KIAA1958: variants seen among roughly 807,000 people sequenced by gnomAD.
The protein encoded by KIAA1958 is KIAA1958.
KIAA1958 carries 14 observed loss-of-function variants against 47.2 expected under a neutral mutation model. The ratio of observed to expected loss-of-function variants is 0.30; its 90% CI spans 0.20 to 0.46. KIAA1958 has a LOEUF of 0.46. Ranked by LOEUF, KIAA1958 falls within the 20% of genes least tolerant of loss-of-function variation. KIAA1958 has a pLI of 1.00. For missense variants in KIAA1958, 803 were observed against 909.2 expected (o/e 0.88, Z 1.50); for synonymous variants, 354 against 353.3 (o/e 1.00, Z -0.02).
At chr9:112,525,739 T>C (rs1186168437) in intron 1 of KIAA1958, among the ~76,000 whole-genome samples, 1 of 151,918 alleles carries the variant, frequency 6.6e-6, no homozygotes, top group Non-Finnish European at 1.5e-5. Context: ...AAAAGCCACA[T>C]TGTGTCCTTG....
intron 1 of KIAA1958, among the ~76,000 whole-genome samples, chr9:112,505,549 T>C (rs1327104548): frequency 6.6e-6 from 1 of 152,224 alleles, no homozygotes; most frequent in Non-Finnish European, 1.5e-5. Flanking sequence ...GTGTGAAGTC[T>C]ATATGTCTCT....
chr9:112,660,205 C>A lies in KIAA1958; in HGVS notation c.*136C>A. ...GCGGCTCTCCCCTGGTGTGGCCTGC[C>A]CTCCCTTTGACTTGGGGTTTGCTTT... On this transcript the variant is annotated 3_prime_UTR_variant, in exon 4 of 4. Transcript: ENST00000337530. 1 of 673,762 alleles carries A rather than the reference C, an allele frequency of 1.5e-6. No homozygotes were observed. Among genetic ancestry groups the A allele is most frequent in the Non-Finnish European group, 2.5e-6 (1 of 396,276 alleles). 41.7% of individuals were successfully genotyped at this position (673,762 alleles called of 1,614,324 possible).
chr9:112,539,381 A>G (rs1834903609), intron 1 of KIAA1958, among the ~76,000 whole-genome samples: 1 of 152,258 alleles, frequency 6.6e-6, no homozygotes, highest in Non-Finnish European at 1.5e-5. Context: ...ACATGCTACC[A>G]TATGGGTTAA....
intron 1 of KIAA1958, among the ~76,000 whole-genome samples, chr9:112,537,909 T>G (rs1031483041): frequency 6.6e-6 from 1 of 152,146 alleles, no homozygotes; most frequent in Non-Finnish European, 1.5e-5. Flanking sequence ...AGAATGGCAG[T>G]TTGACTAGCC....
chr9:112,591,492 AT>A (rs1223245697), intron 2 of KIAA1958, among the ~76,000 whole-genome samples: 1 of 152,174 alleles, frequency 6.6e-6, no homozygotes, highest in Non-Finnish European at 1.5e-5. Flanking sequence ...CCATAACTTC[AT>A]TCCCTCTTAT....
intron 1 of KIAA1958, among the ~76,000 whole-genome samples, chr9:112,528,720 G>C (rs1258139599): frequency 7.7e-6 from 1 of 130,264 alleles, no homozygotes; most frequent in Non-Finnish European, 1.6e-5. Context: ...GGGTTTCACT[G>C]TGTTGGCCAG....
intron 1 of KIAA1958, among the ~76,000 whole-genome samples, chr9:112,542,371 G>A (rs1834958723): frequency 6.6e-6 from 1 of 151,056 alleles, no homozygotes; most frequent in African/African-American, 2.4e-5. Flanking sequence ...TTCCCAATAG[G>A]GTAAAGAAGA....
chr9:112,540,876 A>G (rs986332926), intron 1 of KIAA1958, among the ~76,000 whole-genome samples: 1 of 151,908 alleles, frequency 6.6e-6, no homozygotes, highest in Admixed American at 6.6e-5. Context: ...CCACACCTGG[A>G]TAATTTTTTT....
Position 112,486,963 on chromosome 9 carries a change from TC to T in KIAA1958, c.-176del. On this transcript the variant is annotated 5_prime_UTR_variant, in exon 1 of 4. Transcript: ENST00000337530. ...TCGGTCCGCCGCCCGCCGGGCGCCTTCCCCGCTCCACTTACCTTTGGTGCCC... is the reference window on the plus strand; with the variant it reads ...TCGGTCCGCCGCCCGCCGGGCGCCTTCCCGCTCCACTTACCTTTGGTGCCC... 5.9e-6 allele frequency: 1 copy of T among 169,390 alleles called. No homozygotes were observed. Among genetic ancestry groups the T allele is most frequent in the Non-Finnish European group, 1.2e-5 (1 of 81,308 alleles). 10.5% of individuals were successfully genotyped at this position (169,390 alleles called of 1,614,324 possible).
At chr9:112,608,473 G>A (rs1209490957) in intron 2 of KIAA1958, among the ~76,000 whole-genome samples, 4 of 152,170 alleles carry the variant, frequency 2.6e-5, no homozygotes, top group Non-Finnish European at 5.9e-5. Context: ...TTGTAGTGGA[G>A]TACCAAAATA....
intron 1 of KIAA1958, among the ~76,000 whole-genome samples, chr9:112,487,638 G>A (rs886538608): frequency 3.3e-5 from 5 of 152,200 alleles, no homozygotes; most frequent in Non-Finnish European, 5.9e-5. Flanking sequence ...TGGGGCGTGT[G>A]TGAAGGAACG....
intron 2 of KIAA1958, among the ~76,000 whole-genome samples, chr9:112,644,742 C>T (rs1028231538): frequency 1.3e-5 from 2 of 152,134 alleles, no homozygotes; most frequent in Non-Finnish European, 2.9e-5. Context: ...TTTTCTCTCA[C>T]TTGACCTTCC....
At chr9:112,587,995 A>T (rs1835855644) in intron 2 of KIAA1958, among the ~76,000 whole-genome samples, 1 of 152,224 alleles carries the variant, frequency 6.6e-6, no homozygotes, top group Non-Finnish European at 1.5e-5. Flanking sequence ...CAGTAGAAGA[A>T]GTTAAAATAA....
At chr9:112,534,094 CTT>C (rs1289279260) in intron 1 of KIAA1958, among the ~76,000 whole-genome samples, 1 of 152,212 alleles carries the variant, frequency 6.6e-6, no homozygotes. Flanking sequence ...TACTTAACCT[CTT>C]TGTGCCTTCA....
At chr9:112,555,876 AC>A (rs1835230379) in intron 1 of KIAA1958, among the ~76,000 whole-genome samples, 1 of 151,672 alleles carries the variant, frequency 6.6e-6, no homozygotes, top group Non-Finnish European at 1.5e-5. Flanking sequence ...GGAGTTTAAG[AC>A]CAGCCTGGCC....
In KIAA1958 at chr9:112,487,053, G is replaced by A; in HGVS notation, c.-90G>A. ...CGGCCCGTCCCGTCCAGCCCGGGCT[G>A]CCCGGCTCTCGCAGGCCCCCCCGCG... On this transcript the variant is annotated 5_prime_UTR_variant, in exon 1 of 4. Coordinates refer to ENST00000337530, the MANE Select transcript of KIAA1958 (RefSeq NM_133465.4). 4.5e-6 allele frequency: 1 copy of A among 222,542 alleles called. No homozygotes were observed. Among genetic ancestry groups the A allele is most frequent in the Non-Finnish European group, 9.1e-6 (1 of 109,836 alleles). The allele number at this position is 222,542 out of a possible 1,614,324, so 13.8% of individuals were successfully genotyped here.
At position 112,661,879 on chromosome 9, in the gene KIAA1958, A is replaced by G. The variant is rs1258953386; in HGVS notation, c.*1810A>G. The G allele has an allele frequency of 1.3e-5, 2 of 152,270 alleles. No individual in the cohort carries two copies. Among genetic ancestry groups the G allele is most frequent in the Non-Finnish European group, 2.9e-5 (2 of 68,048 alleles). The allele number at this position is 152,270 out of a possible 1,614,324, so 9.4% of individuals were successfully genotyped here. ...AAAAGAAATACACAAAACATTAGGT[A>G]CAATTTCCTTTAGTTTGCTAAACAC... On this transcript the variant is annotated 3_prime_UTR_variant, in exon 4 of 4. Coordinates refer to ENST00000337530, the MANE Select transcript of KIAA1958 (RefSeq NM_133465.4).
chr9:112,589,110 CT>C (rs1304569759), intron 2 of KIAA1958, among the ~76,000 whole-genome samples: 1 of 152,188 alleles, frequency 6.6e-6, no homozygotes, highest in Admixed American at 6.5e-5. Flanking sequence ...ATCCGCAATG[CT>C]TGTTCCTTTT....
chr9:112,535,949 T>C (rs1834848582), intron 1 of KIAA1958, among the ~76,000 whole-genome samples: 1 of 152,212 alleles, frequency 6.6e-6, no homozygotes. Context: ...TCTTCATGGC[T>C]CTGGTGGATT....
Sources: gnomAD v4.1 joint callset for allele counts (sites outside exome capture counted in the v4.1 genomes callset) on GRCh38, gnomAD v4.1.1 for gene constraint, MANE v1.5 for transcripts, NCBI Gene and HGNC (gene_info 2026-07-23, HGNC 2026-07-21) for gene names.